PAQR5: variants seen among roughly 807,000 people sequenced by gnomAD.
PAQR5 encodes the protein membrane progestin receptor gamma.
In PAQR5, 20 loss-of-function variants were observed where a neutral mutation model predicts 34.5. That is an observed-to-expected ratio of 0.58 (90% CI 0.41 to 0.84). The LOEUF (loss-of-function observed/expected upper bound fraction) is 0.84. Ranked by LOEUF, PAQR5 falls within the 40% of genes least tolerant of loss-of-function variation. PAQR5 has a pLI of 0.00. For synonymous variants in PAQR5, 131 were observed against 155.6 expected (o/e 0.84, Z 1.18); for missense variants, 378 against 412.7 (o/e 0.92, Z 0.73).
intron 7 of PAQR5, among the ~76,000 whole-genome samples, chr15:69,398,865 A>T (rs2056535906): frequency 6.6e-6 from 1 of 152,188 alleles, no homozygotes; most frequent in African/African-American, 2.4e-5. Flanking sequence ...GTCCAGTTCT[A>T]AGTGGTGATG....
chr15:69,397,703 A>G (rs2056490021), intron 7 of PAQR5, 139 bp downstream of exon 7: 5 of 680,780 alleles, frequency 7.3e-6, no homozygotes, highest in Non-Finnish European at 1.3e-5. Flanking sequence ...GAAGGGGGCC[A>G]GCCCCTCCAC....
chr15:69,354,795 C>T (rs146135853), intron 2 of PAQR5, among the ~76,000 whole-genome samples: 403 of 152,206 alleles, frequency 2.6e-3, no homozygotes, highest in Non-Finnish European at 4.9e-3. Flanking sequence ...GGGGAAGATC[C>T]ACCCTCAGTG....
rs1384449001 is a variant in PAQR5 at position 69,322,807 on chromosome 15, AAGAG to A, written c.-276-14533_-276-14530del. 3.3e-3 allele frequency among the ~76,000 whole-genome samples: 450 copies of A among 136,588 alleles called. 107 individuals are homozygous for A. Among genetic ancestry groups the A allele is most frequent in the African/African-American group, 0.011 (359 of 33,924 alleles). The allele number at this position is 136,588 out of a possible 152,430, so 89.6% of individuals were successfully genotyped here. A position where few individuals can be genotyped will look rare whatever the true frequency, so the allele number is the denominator to read the frequency against. ...GAAGACGAGGAAGAAGAAGAAGAGG[AAGAG>A]GAAGAAGAAGAAGAAGAAGAAGAAG... On this transcript the variant is annotated intron_variant, in intron 1 of 8. Coordinates refer to ENST00000395407, the MANE Select transcript of PAQR5 (RefSeq NM_017705.4).
chr15:69,400,448 C>A (rs528133319), intron 8 of PAQR5, among the ~76,000 whole-genome samples: 1 of 152,122 alleles, frequency 6.6e-6, no homozygotes, highest in African/African-American at 2.4e-5. Context: ...AATCCCAGCA[C>A]GTTGGGAGGC....
At chr15:69,363,659 T>C (rs1261789545) in intron 3 of PAQR5, among the ~76,000 whole-genome samples, 2 of 150,094 alleles carry the variant, frequency 1.3e-5, no homozygotes, top group African/African-American at 4.9e-5. Context: ...CGATTCTCCT[T>C]CTCCTGCCTC....
At chr15:69,386,053 A>C (rs1256237615) in intron 5 of PAQR5, among the ~76,000 whole-genome samples, 1 of 151,364 alleles carries the variant, frequency 6.6e-6, no homozygotes, top group Non-Finnish European at 1.5e-5. Context: ...TCACATGCAC[A>C]TACACATACT....
intron 1 of PAQR5, among the ~76,000 whole-genome samples, chr15:69,329,516 G>A (rs112611910): frequency 5.3e-5 from 6 of 113,240 alleles, no homozygotes; most frequent in South Asian, 2.9e-4. Flanking sequence ...CTGTCACCTC[G>A]CTCTGTCTGA....
At chr15:69,394,847 G>GC (rs1315151751) in intron 6 of PAQR5, among the ~76,000 whole-genome samples, 1 of 152,236 alleles carries the variant, frequency 6.6e-6, no homozygotes, top group Non-Finnish European at 1.5e-5. Flanking sequence ...CGAGCTACTG[G>GC]CCCTTCTGCC....
intron 6 of PAQR5, among the ~76,000 whole-genome samples, chr15:69,393,804 A>T (rs1440762568): frequency 6.6e-6 from 1 of 152,182 alleles, no homozygotes; most frequent in Non-Finnish European, 1.5e-5. Context: ...GGCCAATCTC[A>T]ACATAGAGAG....
At chr15:69,378,302 T>G (rs1187348671) in intron 3 of PAQR5, among the ~76,000 whole-genome samples, 1 of 130,424 alleles carries the variant, frequency 7.7e-6, no homozygotes, top group African/African-American at 3.1e-5. Flanking sequence ...TAGCTGACCA[T>G]GGTGGCACTC....
chr15:69,360,131 G>C lies in PAQR5; in HGVS notation c.51G>C (p.Gln17His). Residue 17 changes from glutamine (Q) to histidine (H), a missense_variant and splice_region_variant, in exon 3 of 9, where the codon CAG (glutamine) becomes CAC (histidine). Transcript: ENST00000395407. Reference sequence around the variant, plus strand: ...TGTTTAGCATAGACCAGATACCCCAGGTATGTGCTCTATTGATTATGATGG... The same window carrying C: ...TGTTTAGCATAGACCAGATACCCCACGTATGTGCTCTATTGATTATGATGG... ...PRLFSIDQIP[Q>H]VFHEQGILFG... 6.2e-7 allele frequency: 1 copy of C among 1,611,164 alleles called. No homozygotes were observed. Among genetic ancestry groups the C allele is most frequent in the Non-Finnish European group, 8.5e-7 (1 of 1,177,370 alleles).
chr15:69,314,131 A>G (rs1302701230), intron 1 of PAQR5, among the ~76,000 whole-genome samples: 1 of 152,134 alleles, frequency 6.6e-6, no homozygotes, highest in African/African-American at 2.4e-5. Context: ...GAGGATGCCA[A>G]TTGTTCATTT....
intron 1 of PAQR5, among the ~76,000 whole-genome samples, chr15:69,307,379 A>T (rs1020985951): frequency 6.6e-6 from 1 of 152,160 alleles, no homozygotes; most frequent in Non-Finnish European, 1.5e-5. Context: ...TAAGTTTCGG[A>T]GGAACCATCA....
Position 69,389,651 on chromosome 15 carries a change from C to T in PAQR5, c.386-3C>T. 1 of 1,614,150 alleles carries T rather than the reference C, an allele frequency of 6.2e-7. No homozygotes were observed. The highest frequency in any genetic ancestry group is 1.3e-5 in the African/African-American group (1 of 75,066). On this transcript the variant is annotated splice_region_variant and splice_polypyrimidine_tract_variant and intron_variant, in intron 5 of 8. Transcript: ENST00000395407. The stretch of plus-strand genomic sequence containing the variant: ...TCTCCCAAGGCTGGCTTTTCTTCCC[C>T]AGGCTCAGCCATTGCCTACTCTGCA...
chr15:69,339,407 G>A (rs1011375424), intron 2 of PAQR5, among the ~76,000 whole-genome samples: 25 of 152,092 alleles, frequency 1.6e-4, no homozygotes, highest in Admixed American at 1.4e-3. Context: ...ATCCGTCTGG[G>A]TACCTGGCGG....
chr15:69,327,610 C>G (rs1430554279), intron 1 of PAQR5, among the ~76,000 whole-genome samples: 1 of 152,162 alleles, frequency 6.6e-6, no homozygotes, highest in Non-Finnish European at 1.5e-5. Flanking sequence ...GGTGTGTTGG[C>G]TCTGAGGCTT....
chr15:69,352,762 A>G (rs1242064736), intron 2 of PAQR5, among the ~76,000 whole-genome samples: 3 of 152,216 alleles, frequency 2.0e-5, no homozygotes, highest in Non-Finnish European at 4.4e-5. Flanking sequence ...GGCCAGATGT[A>G]TATAGTTTAC....
chr15:69,403,648 T>C lies in PAQR5; in HGVS notation c.819T>C (p.Leu273=). The C allele has an allele frequency of 5.6e-6, 9 of 1,614,148 alleles. No homozygotes were observed. The highest frequency in any genetic ancestry group is 7.6e-6 in the Non-Finnish European group (9 of 1,180,006). Residue 273 remains leucine, a synonymous_variant, in exon 9 of 9, where the codon CTT becomes CTC. Transcript: ENST00000395407. ...CGCACATGCAGATGGAAGCCATACT[T>C]CTGGACAAGACTCTGAGGAAGGAAT... ...LATHMQMEAI[L]LDKTLRKEWL...
rs377037132 is a variant in PAQR5 at position 69,313,565 on chromosome 15, G to T, written c.-277+14509G>T. Among the ~76,000 whole-genome samples the T allele has an allele frequency of 4.7e-4, 72 of 152,266 alleles. 1 individual carries two copies. Among genetic ancestry groups the T allele is most frequent in the African/African-American group, 1.5e-3 (63 of 41,556 alleles). ...ATAAAGGGAACCTAGATGGGCTGTG[G>T]TTGGCAGAGAAGATTTCTTGAAAAA... On this transcript the variant is annotated intron_variant, in intron 1 of 8. Coordinates refer to ENST00000395407, the MANE Select transcript of PAQR5 (RefSeq NM_017705.4).
Sources: gnomAD v4.1 joint callset for allele counts (sites outside exome capture counted in the v4.1 genomes callset) on GRCh38, gnomAD v4.1.1 for gene constraint, MANE v1.5 for transcripts, NCBI Gene and HGNC (gene_info 2026-07-23, HGNC 2026-07-21) for gene names.